Variants in MAGI2 observed in about 807,000 individuals in gnomAD.
The protein encoded by MAGI2 is membrane associated guanylate kinase, WW and PDZ domain containing 2.
In MAGI2, 35 loss-of-function variants were observed where a neutral mutation model predicts 133.3. The observed-to-expected ratio is 0.26, with a 90% CI of 0.20 to 0.35. MAGI2 has a LOEUF of 0.35. MAGI2 is among the 10% of genes least tolerant of loss of function. MAGI2 has a pLI of 1.00. For synonymous variants in MAGI2, 729 were observed against 710.6 expected (o/e 1.03, Z -0.41); for missense variants, 1,636 against 1,863.4 (o/e 0.88, Z 2.25).
chr7:79,115,934 C>G (rs745316452), intron 1 of MAGI2, among the ~76,000 whole-genome samples: 9 of 120,566 alleles, frequency 7.5e-5, no homozygotes, highest in African/African-American at 2.6e-4. Context: ...CAGGTCTTAA[C>G]ATAAAACACC....
At chr7:78,547,599 G>A (rs904875036) in intron 3 of MAGI2, among the ~76,000 whole-genome samples, 2 of 152,226 alleles carry the variant, frequency 1.3e-5, no homozygotes, top group African/African-American at 4.8e-5. Flanking sequence ...CACAAGCTCA[G>A]GGTGTAAAGG....
intron 6 of MAGI2, among the ~76,000 whole-genome samples, chr7:78,408,065 C>T (rs1225777087): frequency 1.3e-5 from 2 of 152,080 alleles, no homozygotes; most frequent in Non-Finnish European, 2.9e-5. Context: ...AGGTAATTTG[C>T]AACTCCCTCC....
chr7:79,416,540 G>A (rs918982847), intron 1 of MAGI2, among the ~76,000 whole-genome samples: 1 of 151,944 alleles, frequency 6.6e-6, no homozygotes, highest in African/African-American at 2.4e-5. Flanking sequence ...CTATGTGAGT[G>A]CTGTGTACCG....
At chr7:78,747,944 A>G (rs1157771354) in intron 2 of MAGI2, among the ~76,000 whole-genome samples, 1 of 152,192 alleles carries the variant, frequency 6.6e-6, no homozygotes, top group Non-Finnish European at 1.5e-5. Flanking sequence ...CTCCACTGAC[A>G]TAACTTCAGA....
chr7:78,187,555 G>T (rs528608760), intron 12 of MAGI2, among the ~76,000 whole-genome samples: 22 of 152,206 alleles, frequency 1.4e-4, no homozygotes, highest in African/African-American at 5.1e-4. Flanking sequence ...AAGTCTGGTT[G>T]CTTTTTCATT....
At chr7:79,082,720 A>C (rs943566027) in intron 1 of MAGI2, among the ~76,000 whole-genome samples, 2 of 152,018 alleles carry the variant, frequency 1.3e-5, no homozygotes, top group Non-Finnish European at 2.9e-5. Flanking sequence ...TCTTAGGATC[A>C]GTTTTTACAA....
At chr7:78,682,355 T>A (rs1485081356) in intron 2 of MAGI2, among the ~76,000 whole-genome samples, 1 of 152,098 alleles carries the variant, frequency 6.6e-6, no homozygotes, top group Admixed American at 6.6e-5. Context: ...GTATTTCTCC[T>A]AATGCTATCA....
chr7:78,701,505 A>T (rs1177188237), intron 2 of MAGI2, among the ~76,000 whole-genome samples: 3 of 151,988 alleles, frequency 2.0e-5, no homozygotes, highest in African/African-American at 7.2e-5. Context: ...GCCAAGGGAT[A>T]CATAATTCAT....
intron 1 of MAGI2, among the ~76,000 whole-genome samples, chr7:79,210,917 AGTTT>A (rs1027860176): frequency 1.3e-4 from 20 of 152,046 alleles, no homozygotes; most frequent in Admixed American, 6.5e-5. Flanking sequence ...ACATGCCATG[AGTTT>A]GTTTGGGATG....
chr7:78,942,547 G>A (rs1584460661), intron 2 of MAGI2, among the ~76,000 whole-genome samples: 1 of 151,914 alleles, frequency 6.6e-6, no homozygotes, highest in African/African-American at 2.4e-5. Flanking sequence ...CTGTCATTTC[G>A]GGAATATTGA....
intron 16 of MAGI2, among the ~76,000 whole-genome samples, chr7:78,153,536 G>C (rs776536861): frequency 6.6e-6 from 1 of 152,204 alleles, no homozygotes; most frequent in Non-Finnish European, 1.5e-5. Context: ...TGAAAGGGGA[G>C]CTGGGTTAGT....
intron 3 of MAGI2, among the ~76,000 whole-genome samples, chr7:78,524,282 T>C (rs1382814738): frequency 6.6e-6 from 1 of 152,192 alleles, no homozygotes; most frequent in Non-Finnish European, 1.5e-5. Context: ...CTTGGAATGC[T>C]GGCAGGTAGA....
chr7:78,501,879 T>C, intron 4 of MAGI2, 92 bp from the exon 5 acceptor site: 3 of 881,246 alleles, frequency 3.4e-6, no homozygotes, highest in Non-Finnish European at 5.4e-6. Flanking sequence ...ATAAACGTCA[T>C]GAATAACTTC....
At chr7:78,313,683 A>T (rs1002226702) in intron 9 of MAGI2, among the ~76,000 whole-genome samples, 3 of 151,852 alleles carry the variant, frequency 2.0e-5, no homozygotes, top group Non-Finnish European at 2.9e-5. Flanking sequence ...TCTGTGTATT[A>T]TTAAGCTCAA....
chr7:79,292,100 C>G (rs1836531111), intron 1 of MAGI2, among the ~76,000 whole-genome samples: 1 of 152,068 alleles, frequency 6.6e-6, no homozygotes, highest in Non-Finnish European at 1.5e-5. Context: ...ACGCAGGGGT[C>G]CAGCAGCTTC....
chr7:78,457,542 A>G (rs935907958), intron 6 of MAGI2, among the ~76,000 whole-genome samples: 1 of 152,190 alleles, frequency 6.6e-6, no homozygotes, highest in Non-Finnish European at 1.5e-5. Flanking sequence ...ATATATCTTA[A>G]AATGTTTAGC....
chr7:79,309,086 A>C (rs190172023), intron 1 of MAGI2, among the ~76,000 whole-genome samples: 1 of 152,128 alleles, frequency 6.6e-6, no homozygotes, highest in Admixed American at 6.6e-5. Flanking sequence ...TATATCCCCA[A>C]ATATATATAA....
intron 6 of MAGI2, among the ~76,000 whole-genome samples, chr7:78,385,864 A>G (rs890322002): frequency 6.6e-6 from 1 of 152,250 alleles, no homozygotes; most frequent in Non-Finnish European, 1.5e-5. Flanking sequence ...CAAAGTATCT[A>G]TTAACACACA....
chr7:78,398,072 G>A (rs1490155686), intron 6 of MAGI2, among the ~76,000 whole-genome samples: 1 of 152,168 alleles, frequency 6.6e-6, no homozygotes, highest in East Asian at 1.9e-4. Context: ...GTGTGTGAGT[G>A]TGTGTGCTGT....
Sources: allele counts gnomAD v4.1 joint callset (sites outside exome capture counted in the v4.1 genomes callset), GRCh38; gene constraint gnomAD v4.1.1; transcripts MANE v1.5; gene names NCBI Gene and HGNC (gene_info 2026-07-23, HGNC 2026-07-21).